COMMD5: variants seen among roughly 807,000 people sequenced by gnomAD.
The protein encoded by COMMD5 is COMM domain containing 5, also known as COMM domain-containing protein 5.
A neutral mutation model predicts 6.9 loss-of-function variants in COMMD5; 10 were observed. That is an observed-to-expected ratio of 1.44 (90% CI 0.89 to 2.45). COMMD5 has a LOEUF of 2.45. Ranked by LOEUF, COMMD5 falls within the 30% of genes most tolerant of loss-of-function variation. The pLI is 0.00. For missense variants in COMMD5, 234 were observed against 287.8 expected, an observed-to-expected ratio of 0.81 and a Z score of 1.35; for synonymous variants, 127 against 125.3, an observed-to-expected ratio of 1.01 and a Z score of -0.09.
intron 1 of COMMD5, chr8:144,841,830 A>T: frequency 1.9e-6 from 3 of 1,614,240 alleles, no homozygotes; most frequent in Non-Finnish European, 2.5e-6. Flanking sequence ...GGAAACATAC[A>T]AATAACTGCC....
Position 144,844,899 on chromosome 8 carries a change from G to A in COMMD5, c.*117-3156C>T, listed in dbSNP as rs368009524. On this transcript the variant is annotated intron_variant and NMD_transcript_variant, in intron 1 of 1. Transcript: ENST00000530332. ...TTAGGAAGAAGGTGGAGAGGGAGTG[G>A]GGAAAGAGGACTCTGGGGAGAACTT... is the stretch of plus-strand genomic sequence containing the variant. Among the ~76,000 whole-genome samples the A allele has an allele frequency of 1.5e-3, 227 of 151,604 alleles. 9 individuals are homozygous for A. In the South Asian group the frequency reaches 0.045, roughly 30 times the overall value.
chr8:144,842,952 C>G (rs1332078710), intron 1 of COMMD5: 1 of 1,614,108 alleles, frequency 6.2e-7, no homozygotes, highest in South Asian at 1.1e-5. Context: ...ATGGGAATGC[C>G]CTGGAAGGGT....
chr8:144,851,217 C>G lies in COMMD5; in HGVS notation c.122G>C (p.Gly41Ala). Reference protein sequence around the residue: ...PEVAAMARLLGDLDRSTFRKL... With the variant: ...PEVAAMARLLADLDRSTFRKL... ...TCTGAACGTGCTCCTGTCTAGGTCC[C>G]CTAGTAGCCGGGCCATTGCTGCCAC... Residue 41 changes from glycine to alanine, a missense_variant, in exon 2 of 2, where the codon GGG becomes GCG. Gly to Ala is a moderately conservative substitution (Grantham distance 60). Transcript: ENST00000305103. The G allele has an allele frequency of 6.2e-7, 1 of 1,614,048 alleles. No individual in the cohort carries two copies. The highest frequency in any genetic ancestry group is 8.5e-7 in the Non-Finnish European group (1 of 1,180,044).
In COMMD5 at chr8:144,842,601, G is replaced by T. The variant is rs773732807; in HGVS notation, c.*117-858C>A. ...TCCACACTGGAGAGAAACCCTATGT[G>T]TGTAATGACTGTGGAAAAGCCTTCA... On this transcript the variant is annotated intron_variant and NMD_transcript_variant, in intron 1 of 1. Coordinates refer to the COMMD5 transcript ENST00000530332. 6.2e-6 allele frequency: 10 copies of T among 1,614,150 alleles called. No individual in the cohort carries two copies. In the East Asian group the frequency reaches 2.2e-4, roughly 36 times the overall value.
intron 1 of COMMD5, chr8:144,842,335 G>C (rs1830045618): frequency 1.9e-6 from 3 of 1,613,890 alleles, no homozygotes; most frequent in Admixed American, 3.3e-5. Context: ...TCACGCTGTA[G>C]AGAAACCATT....
downstream of COMMD5, among the ~76,000 whole-genome samples, chr8:144,840,504 A>G (rs551858564): frequency 6.6e-6 from 1 of 152,310 alleles, no homozygotes; most frequent in Non-Finnish European, 1.5e-5. Context: ...CGTGGTTGTC[A>G]TGATCATAGC....
rs754286862 is a variant in COMMD5, at chr8:144,843,187, T to C, written c.*117-1444A>G. 3 of 1,539,428 alleles carry C rather than the reference T, an allele frequency of 1.9e-6. No individual in the cohort carries two copies. The Admixed American group carries it at 6.5e-5, about 33-fold the overall frequency. On this transcript the variant is annotated intron_variant and NMD_transcript_variant, in intron 1 of 1. Transcript: ENST00000530332. ...GGGATAGACCACTTACATATAAATG[T>C]GTATATATGTGAATAAACCTATAGC...
downstream of COMMD5, among the ~76,000 whole-genome samples, chr8:144,848,082 A>G (rs1173630518): frequency 1.3e-5 from 2 of 152,152 alleles, no homozygotes; most frequent in Non-Finnish European, 2.9e-5. Context: ...GTGGTGGCTC[A>G]TTGCTGTAAA....
At position 144,852,947 on chromosome 8, in the gene COMMD5, A is replaced by C. The variant is rs1473678407; in HGVS notation, c.-166T>G. On this transcript the variant is annotated 5_prime_UTR_variant, in exon 1 of 2. The change abolishes an upstream ATG in the 5' untranslated region. Transcript: ENST00000305103. Reference sequence around the variant, plus strand: ...ACCCCCAGCTCGGGAGGGAGACTCCATCCTACTCCACCCCACGCTCCCGCT... The same window carrying C: ...ACCCCCAGCTCGGGAGGGAGACTCCCTCCTACTCCACCCCACGCTCCCGCT... The C allele has an allele frequency of 6.6e-6, 1 of 152,486 alleles. No homozygotes were observed. The highest frequency in any genetic ancestry group is 1.5e-5 in the Non-Finnish European group (1 of 68,204). 9.4% of individuals were successfully genotyped at this position (152,486 alleles called of 1,614,324 possible).
chr8:144,838,464 C>T (rs1001010064), downstream of COMMD5: 2 of 331,210 alleles, frequency 6.0e-6, no homozygotes, highest in South Asian at 5.3e-5. Context: ...GGTGTGCTGC[C>T]CAGCATGACA....
At chr8:144,841,924 AC>A in intron 1 of COMMD5, 1 of 1,614,222 alleles carries the variant, frequency 6.2e-7, no homozygotes, top group Non-Finnish European at 8.5e-7. Context: ...GAGAATCCAC[AC>A]GGGAGAGAAA....
chr8:144,842,896 A>T, intron 1 of COMMD5: 1 of 1,614,222 alleles, frequency 6.2e-7, no homozygotes, highest in East Asian at 2.2e-5. Context: ...CTCATATCTT[A>T]TTGAACACCA....
chr8:144,842,344 T>C (rs1830046410), intron 1 of COMMD5: 2 of 1,613,888 alleles, frequency 1.2e-6, no homozygotes, highest in South Asian at 2.2e-5. Context: ...AGAGAAACCA[T>C]TTAAGTGTGA....
chr8:144,848,267 T>C (rs1429053447), downstream of COMMD5, among the ~76,000 whole-genome samples: 2 of 151,794 alleles, frequency 1.3e-5, no homozygotes, highest in African/African-American at 4.8e-5. Context: ...GATCGTGCCA[T>C]TGCATTCCAG....
intron 1 of COMMD5, 115 bp downstream of exon 1, chr8:144,852,724 A>AC (rs1371887399): frequency 6.6e-6 from 1 of 152,158 alleles, no homozygotes; most frequent in East Asian, 1.9e-4. Context: ...CTGACTCCGT[A>AC]CCCGCGGCTC....
downstream of COMMD5, chr8:144,838,370 G>A (rs759011293): frequency 1.9e-6 from 1 of 517,994 alleles, no homozygotes; most frequent in African/African-American, 1.9e-5. Context: ...GGGGTCCTCA[G>A]CCCTAACCAG....
intron 1 of COMMD5, chr8:144,842,759 G>C: frequency 6.2e-7 from 1 of 1,614,162 alleles, no homozygotes; most frequent in Non-Finnish European, 8.5e-7. Flanking sequence ...ACTGGAGAGA[G>C]GCCCTATAAA....
downstream of COMMD5, among the ~76,000 whole-genome samples, chr8:144,848,492 C>T (rs1163764244): frequency 7.4e-6 from 1 of 134,358 alleles, no homozygotes; most frequent in Non-Finnish European, 1.6e-5. Flanking sequence ...AGTGAAACTC[C>T]CGTCTCAAAA....
At chr8:144,838,421 G>C (rs539871144), downstream of COMMD5, 4 of 432,618 alleles carry the variant, frequency 9.2e-6, no homozygotes, top group Non-Finnish European at 1.7e-5. Flanking sequence ...CTGGGCAGGC[G>C]CCCGGCCTGG....
Sources: gnomAD v4.1 joint callset for allele counts (sites outside exome capture counted in the v4.1 genomes callset) on GRCh38, gnomAD v4.1.1 for gene constraint, MANE v1.5 for transcripts, NCBI Gene and HGNC (gene_info 2026-07-23, HGNC 2026-07-21) for gene names.